The following FRMD4B variants were observed in gnomAD, a reference collection of about 807,000 sequenced individuals.
FRMD4B encodes the protein FERM domain containing 4B.
FRMD4B carries 74 observed loss-of-function variants against 141.5 expected under a neutral mutation model. The ratio of observed to expected loss-of-function variants is 0.52; its 90% CI spans 0.43 to 0.63. The LOEUF is 0.63. FRMD4B is among the 30% of genes least tolerant of loss of function. The probability of loss-of-function intolerance (pLI) is 0.00; values close to 1 mark genes in which losing one functional copy is unlikely to be tolerated. For synonymous variants in FRMD4B, 506 were observed against 467.9 expected, an observed-to-expected ratio of 1.08 and a Z score of -1.05; for missense variants, 1,366 against 1,253.4, an observed-to-expected ratio of 1.09 and a Z score of -1.36.
chr3:69,222,213 C>T (rs1406747792), intron 8 of FRMD4B, among the ~76,000 whole-genome samples: 1 of 152,126 alleles, frequency 6.6e-6, no homozygotes, highest in Non-Finnish European at 1.5e-5. Flanking sequence ...TGGCTCACGC[C>T]TGTAATCCCA....
chr3:69,394,890 T>C (rs1248777362), intron 2 of FRMD4B, among the ~76,000 whole-genome samples: 1 of 152,088 alleles, frequency 6.6e-6, no homozygotes, highest in Non-Finnish European at 1.5e-5. Flanking sequence ...CTGGAAGCCA[T>C]CATTCTCAGC....
chr3:69,419,482 C>T (rs1481553297), intron 2 of FRMD4B, among the ~76,000 whole-genome samples: 3 of 151,526 alleles, frequency 2.0e-5, no homozygotes, highest in African/African-American at 7.3e-5. Context: ...ATTCTCTTTC[C>T]CAATAATTCC....
chr3:69,373,853 A>G (rs1703897982), intron 1 of FRMD4B, among the ~76,000 whole-genome samples: 1 of 152,204 alleles, frequency 6.6e-6, no homozygotes, highest in African/African-American at 2.4e-5. Flanking sequence ...AGCCTGAGAC[A>G]CAAAATAAGA....
chr3:69,283,686 G>A (rs2093654508), intron 5 of FRMD4B, among the ~76,000 whole-genome samples: 1 of 152,208 alleles, frequency 6.6e-6, no homozygotes, highest in Non-Finnish European at 1.5e-5. Flanking sequence ...CCACATAGGA[G>A]AGGATAGCCA....
At chr3:69,460,256 T>G (rs1416058795) in intron 1 of FRMD4B, among the ~76,000 whole-genome samples, 1 of 152,214 alleles carries the variant, frequency 6.6e-6, no homozygotes, top group Non-Finnish European at 1.5e-5. Flanking sequence ...CACTGCATTA[T>G]TCATCATCAC....
intron 2 of FRMD4B, among the ~76,000 whole-genome samples, chr3:69,401,047 T>C (rs916007201): frequency 7.2e-5 from 11 of 152,230 alleles, no homozygotes; most frequent in East Asian, 1.9e-4. Flanking sequence ...TATATGGTTT[T>C]AGAGAAGATA....
chr3:69,451,399 G>C (rs992454849), intron 1 of FRMD4B, among the ~76,000 whole-genome samples: 4 of 152,202 alleles, frequency 2.6e-5, no homozygotes, highest in African/African-American at 9.6e-5. Flanking sequence ...TTATGAAGCT[G>C]TAGCCTGGAT....
At chr3:69,174,727 C>G (rs1407735118) in intron 22 of FRMD4B, among the ~76,000 whole-genome samples, 1 of 152,126 alleles carries the variant, frequency 6.6e-6, no homozygotes, top group Admixed American at 6.5e-5. Flanking sequence ...AGTCCAATTA[C>G]AGTAGTGTTA....
At chr3:69,481,128 C>T (rs1171668423) in intron 1 of FRMD4B, among the ~76,000 whole-genome samples, 1 of 152,174 alleles carries the variant, frequency 6.6e-6, no homozygotes, top group African/African-American at 2.4e-5. Context: ...CTTTCTTTGA[C>T]TAGGAAAGGG....
chr3:69,505,841 T>G (rs1706586320), intron 1 of FRMD4B, among the ~76,000 whole-genome samples: 1 of 152,184 alleles, frequency 6.6e-6, no homozygotes, highest in Admixed American at 6.5e-5. Flanking sequence ...TTTTCTTTAT[T>G]ATATGAAAGG....
intron 4 of FRMD4B, among the ~76,000 whole-genome samples, chr3:69,290,172 T>A (rs1700823205): frequency 6.6e-6 from 1 of 152,178 alleles, no homozygotes; most frequent in Non-Finnish European, 1.5e-5. Context: ...GCAGCCAAGA[T>A]GTCAGGCGGT....
In FRMD4B at chr3:69,196,336, T is replaced by C. The variant is rs1304303236; in HGVS notation, c.1153A>G (p.Thr385Ala). 1.2e-6 allele frequency: 2 copies of C among 1,611,436 alleles called. No individual in the cohort carries two copies. The highest frequency in any genetic ancestry group is 1.3e-5 in the African/African-American group (1 of 74,834). The change falls in exon 14 of 23, where the codon ACA becomes GCA. Residue 385 changes from threonine (T) to alanine (A), a missense_variant. Thr to Ala is a moderately conservative substitution (Grantham distance 58). Transcript: ENST00000398540. ...EIAMDLTETG[T>A]QRASKLVTLE... ...GTCACCAGCTTGGAGGCCCTTTGTG[T>C]TCCTGTCTCTGTCAAATCCATTGCA... is the stretch of plus-strand genomic sequence containing the variant.
chr3:69,345,922 C>T (rs6805807), intron 1 of FRMD4B, among the ~76,000 whole-genome samples: 64,403 of 151,982 alleles, frequency 0.42, 15,920 homozygotes, highest in African/African-American at 0.7. Context: ...AAAAGCAGAG[C>T]GCCTCCCCAC....
At chr3:69,432,623 C>T (rs1705199207) in intron 2 of FRMD4B, 1 of 152,174 alleles carries the variant, frequency 6.6e-6, no homozygotes, top group African/African-American at 2.4e-5. Context: ...TTTACAGAAA[C>T]GTCAACTTAC....
chr3:69,507,486 T>C (rs1706615847), intron 1 of FRMD4B, among the ~76,000 whole-genome samples: 1 of 152,228 alleles, frequency 6.6e-6, no homozygotes, highest in Admixed American at 6.5e-5. Context: ...TCCATATCCA[T>C]ATATATAAGG....
chr3:69,395,886 C>T (rs1035199556), intron 2 of FRMD4B, among the ~76,000 whole-genome samples: 1 of 152,110 alleles, frequency 6.6e-6, no homozygotes, highest in Non-Finnish European at 1.5e-5. Flanking sequence ...ATGCTTTGGT[C>T]TTGAGTCAAT....
intron 1 of FRMD4B, among the ~76,000 whole-genome samples, chr3:69,322,594 CTT>C (rs771521331): frequency 6.9e-4 from 56 of 81,336 alleles, no homozygotes; most frequent in South Asian, 4.9e-3. Flanking sequence ...TTCTCTCTCT[CTT>C]TTTTTTTTTT....
At chr3:69,246,912 C>T (rs2093429375) in intron 7 of FRMD4B, among the ~76,000 whole-genome samples, 1 of 152,214 alleles carries the variant, frequency 6.6e-6, no homozygotes, top group African/African-American at 2.4e-5. Flanking sequence ...AACTGAAGGA[C>T]TGTCCCTTTT....
Position 69,224,490 on chromosome 3 carries a change from C to A in FRMD4B, c.665+117G>T, listed in dbSNP as rs995699542. 5.0e-5 allele frequency: 35 copies of A among 696,882 alleles called. No individual in the cohort carries two copies. The African/African-American group carries it at 6.1e-4, about 12-fold the overall frequency. The allele number at this position is 696,882 out of a possible 1,614,324, so 43.2% of individuals were successfully genotyped here. ...AAGGTCTACCTATGGTTACTTTATA[C>A]AATTGATTGGCAATGTGATATTTTT... On this transcript the variant is annotated intron_variant, in intron 8 of 22. Transcript: ENST00000398540.
Sources: allele counts gnomAD v4.1 joint callset (sites outside exome capture counted in the v4.1 genomes callset), GRCh38; gene constraint gnomAD v4.1.1; transcripts MANE v1.5; gene names NCBI Gene and HGNC (gene_info 2026-07-23, HGNC 2026-07-21).